The following TCP11L1 variants were observed in gnomAD, a reference collection of about 807,000 sequenced individuals.
TCP11L1 encodes t-complex 11 like 1.
TCP11L1 carries 28 observed loss-of-function variants against 48.9 expected under a neutral mutation model. The ratio of observed to expected loss-of-function variants is 0.57; its 90% CI spans 0.42 to 0.78. The LOEUF is 0.78. Among genes scored for constraint, TCP11L1 ranks in the 30% least tolerant of loss-of-function variants. TCP11L1 has a pLI of 0.00. For synonymous variants in TCP11L1, 204 were observed against 231.9 expected (o/e 0.88, Z 1.09); for missense variants, 505 against 613.4 (o/e 0.82, Z 1.87).
rs1854515041 is a variant in TCP11L1 at position 33,063,179 on chromosome 11, G to A, written c.972+1453G>A. Among the ~76,000 whole-genome samples, 6 of 152,016 alleles carry A rather than the reference G, an allele frequency of 3.9e-5. No homozygotes were observed. The South Asian group carries it at 1.2e-3, about 31-fold the overall frequency. On this transcript the variant is annotated intron_variant, in intron 7 of 9. Transcript: ENST00000334274. ...TGCCCAGCCCTCCTTTCTTTTTTAG[G>A]CTGAATAATATATTTTACTGTATGG...
rs759678781 is a variant in TCP11L1, at chr11:33,068,762, G to T, written c.1230G>T (p.Leu410=). 1 of 1,614,186 alleles carries T rather than the reference G, an allele frequency of 6.2e-7. No individual in the cohort carries two copies. Among genetic ancestry groups the T allele is most frequent in the Non-Finnish European group, 8.5e-7 (1 of 1,180,034 alleles). ...TGGAGGTGAGCAGCTGCCTCTCCCT[G>T]TGTGGGTCCTCTCCCTTCACCACGG... is the stretch of plus-strand genomic sequence containing the variant. ...VCLEVSSCLS[L]CGSSPFTTDK... is the part of the protein sequence containing the mutation. Residue 410 remains leucine (L), a synonymous_variant, in exon 9 of 10, where the codon CTG becomes CTT. Transcript: ENST00000334274.
chr11:33,059,462 C>T (rs1189386508), intron 6 of TCP11L1, among the ~76,000 whole-genome samples: 1 of 152,162 alleles, frequency 6.6e-6, no homozygotes, highest in Non-Finnish European at 1.5e-5. Flanking sequence ...TTTCTTCTCC[C>T]TGTGTGGCAC....
intron 3 of TCP11L1, chr11:33,056,844 A>G (rs1025098625): frequency 5.2e-6 from 2 of 385,618 alleles, no homozygotes; most frequent in African/African-American, 4.1e-5. Flanking sequence ...TATTCTTATT[A>G]TATGGCACTG....
chr11:33,043,714 C>T, intron 1 of TCP11L1, 36 bp from the exon 2 acceptor site: 1 of 1,540,796 alleles, frequency 6.5e-7, no homozygotes, highest in Non-Finnish European at 8.7e-7. Flanking sequence ...AGCTAGAATA[C>T]TTTTAGTTCT....
At chr11:33,055,792 C>T (rs1854291142) in intron 3 of TCP11L1, among the ~76,000 whole-genome samples, 1 of 152,130 alleles carries the variant, frequency 6.6e-6, no homozygotes, top group South Asian at 2.1e-4. Context: ...TTGTTTTGTG[C>T]TCAAGACAGA....
At chr11:33,058,626 A>G (rs1179529790) in intron 5 of TCP11L1, among the ~76,000 whole-genome samples, 4 of 152,214 alleles carry the variant, frequency 2.6e-5, no homozygotes, top group Non-Finnish European at 4.4e-5. Flanking sequence ...TCAGAGGCAT[A>G]ATCACTCTTA....
At chr11:33,072,450 T>A (rs1854820384) in intron 9 of TCP11L1, 24 bp from the exon 10 acceptor site, 1 of 1,613,300 alleles carries the variant, frequency 6.2e-7, no homozygotes, top group Non-Finnish European at 8.5e-7. Context: ...AAGAAACAAC[T>A]GACCACTTTC....
At chr11:33,048,960 T>C (rs1434843103) in intron 2 of TCP11L1, among the ~76,000 whole-genome samples, 1 of 152,058 alleles carries the variant, frequency 6.6e-6, no homozygotes, top group Non-Finnish European at 1.5e-5. Context: ...TATTGGGAAA[T>C]AACAAATCCG....
intron 9 of TCP11L1, among the ~76,000 whole-genome samples, chr11:33,072,121 G>A (rs1854807928): frequency 6.6e-6 from 1 of 152,094 alleles, no homozygotes; most frequent in Non-Finnish European, 1.5e-5. Flanking sequence ...TGGGATTACA[G>A]GCGTGAGCCA....
intron 7 of TCP11L1, 90 bp downstream of exon 7, chr11:33,061,816 C>T (rs751342358): frequency 1.9e-4 from 253 of 1,331,716 alleles, no homozygotes; most frequent in Non-Finnish European, 2.5e-4. Flanking sequence ...CACGGTGGCT[C>T]ACTCCTGTAA....
At position 33,061,613 on chromosome 11, in the gene TCP11L1, G is replaced by A. The variant is rs763629851; in HGVS notation, c.859G>A (p.Gly287Arg). 2 of 1,612,810 alleles carry A rather than the reference G, an allele frequency of 1.2e-6. No individual in the cohort carries two copies. Among genetic ancestry groups the A allele is most frequent in the Non-Finnish European group, 8.5e-7 (1 of 1,179,546 alleles). Reference protein sequence around the residue: ...TQKYKHALPVGGMAAGSGDMP... With the variant: ...TQKYKHALPVRGMAAGSGDMP... ...GAAGTATAAACACGCCCTGCCAGTG[G>A]GGGGAATGGCTGCTGGCTCTGGGGA... The change falls in exon 7 of 10, where the codon GGG becomes AGG. Residue 287 changes from glycine (G) to arginine (R), a missense_variant. Gly to Arg is a moderately radical substitution (Grantham distance 125). Around this residue, in one of 3 missense-constraint regions of TCP11L1, gnomAD observed 335 missense variants for 413.3 expected, o/e 0.81. Coordinates refer to ENST00000334274, the MANE Select transcript of TCP11L1 (RefSeq NM_018393.4).
At chr11:33,049,994 A>G (rs1195542380) in intron 2 of TCP11L1, among the ~76,000 whole-genome samples, 20 of 152,200 alleles carry the variant, frequency 1.3e-4, no homozygotes, top group Admixed American at 1.3e-3. Context: ...GGCCTTCCGC[A>G]GTGTATTGTG....
intron 2 of TCP11L1, among the ~76,000 whole-genome samples, chr11:33,048,551 C>T (rs1482070577): frequency 1.3e-5 from 2 of 152,184 alleles, no homozygotes; most frequent in Non-Finnish European, 1.5e-5. Context: ...CTGATCATAT[C>T]TTAGAACTGT....
chr11:33,058,957 A>G lies in TCP11L1; in HGVS notation c.639-2A>G. The G allele has an allele frequency of 6.2e-7, 1 of 1,610,634 alleles. No homozygotes were observed. Among genetic ancestry groups the G allele is most frequent in the Non-Finnish European group, 8.5e-7 (1 of 1,179,106 alleles). ...TTGCTTCTAAATCCTTTTTTCTTTC[A>G]GAGAAATTTTTTCTGTGTTGGACCT... On this transcript the variant is annotated splice_acceptor_variant, in intron 5 of 9. Coordinates refer to ENST00000334274, the MANE Select transcript of TCP11L1 (RefSeq NM_018393.4). LOFTEE classifies it high-confidence loss of function.
intron 2 of TCP11L1, among the ~76,000 whole-genome samples, chr11:33,053,468 C>CG (rs1854224044): frequency 6.6e-6 from 1 of 151,984 alleles, no homozygotes; most frequent in East Asian, 1.9e-4. Context: ...AAGAATTCCC[C>CG]TTTGTTCCTT....
Position 33,045,690 on chromosome 11 carries a change from A to G in TCP11L1, c.163+1754A>G, listed in dbSNP as rs181831436. Among the ~76,000 whole-genome samples, 14 of 152,294 alleles carry G rather than the reference A, an allele frequency of 9.2e-5. No homozygotes were observed. In the East Asian group the frequency reaches 2.7e-3, roughly 29 times the overall value. On this transcript the variant is annotated intron_variant, in intron 2 of 9. Transcript: ENST00000334274. Reference sequence around the variant, plus strand: ...TTGGTTGTTGGGATGGCCAGACCCAACGTGGAGGTGACGAAGTCCAGTGGA... The same window carrying G: ...TTGGTTGTTGGGATGGCCAGACCCAGCGTGGAGGTGACGAAGTCCAGTGGA...
At chr11:33,046,816 A>G (rs568557813) in intron 2 of TCP11L1, among the ~76,000 whole-genome samples, 1 of 152,374 alleles carries the variant, frequency 6.6e-6, no homozygotes, top group South Asian at 2.1e-4. Flanking sequence ...ATTTGTAGCT[A>G]CTGAGTTTAA....
At chr11:33,040,101 A>T (rs74889474) in intron 1 of TCP11L1, 23,269 of 142,782 alleles carry the variant, frequency 0.16, 1,846 homozygotes, top group Middle Eastern at 0.26. Flanking sequence ...GCGCCGGGGG[A>T]CAGAGCCCCT....
chr11:33,064,306 A>G (rs1564985905), intron 7 of TCP11L1, among the ~76,000 whole-genome samples: 3 of 152,220 alleles, frequency 2.0e-5, no homozygotes. Flanking sequence ...AAACAGGCCG[A>G]CGATGAGTCC....
Sources: allele counts gnomAD v4.1 joint callset (sites outside exome capture counted in the v4.1 genomes callset), GRCh38; gene constraint gnomAD v4.1.1; regional missense constraint gnomAD v4.1.1; transcripts MANE v1.5; gene names NCBI Gene and HGNC (gene_info 2026-07-23, HGNC 2026-07-21).